The following SNTG1 variants were observed in gnomAD, a reference collection of about 807,000 sequenced individuals.
SNTG1 encodes the protein gamma-1-syntrophin.
Under a neutral mutation model 74.7 loss-of-function variants are expected in SNTG1, and 39 were observed. That is an observed-to-expected ratio of 0.52 (90% CI 0.40 to 0.68). The LOEUF (loss-of-function observed/expected upper bound fraction) is 0.68, where lower values mean the gene tolerates loss of function less well. Ranked by LOEUF, SNTG1 falls within the 30% of genes least tolerant of loss-of-function variation. The pLI, the probability that SNTG1 is intolerant of heterozygous loss-of-function variation, is 0.00. For missense variants in SNTG1, 685 were observed against 609.5 expected, an observed-to-expected ratio of 1.12 and a Z score of -1.30; for synonymous variants, 254 against 217.1, an observed-to-expected ratio of 1.17 and a Z score of -1.49.
chr8:50,486,202 T>G (rs1413128899), intron 8 of SNTG1, among the ~76,000 whole-genome samples: 1 of 150,700 alleles, frequency 6.6e-6, no homozygotes, highest in Non-Finnish European at 1.5e-5. Context: ...ATTGGTAGCT[T>G]GATGGGGATG....
intron 1 of SNTG1, among the ~76,000 whole-genome samples, chr8:50,128,796 T>G (rs781378354): frequency 1.3e-5 from 2 of 152,146 alleles, no homozygotes; most frequent in African/African-American, 4.8e-5. Flanking sequence ...AATGTTTGAA[T>G]AGAAAATTAT....
chr8:50,358,506 C>T (rs943779177), intron 2 of SNTG1, among the ~76,000 whole-genome samples: 14 of 152,108 alleles, frequency 9.2e-5, no homozygotes, highest in African/African-American at 3.1e-4. Flanking sequence ...ACAATTAGTC[C>T]AGGACCGCAG....
chr8:50,726,673 C>A (rs896471514), intron 17 of SNTG1, among the ~76,000 whole-genome samples: 57 of 152,168 alleles, frequency 3.7e-4, no homozygotes, highest in African/African-American at 1.3e-3. Context: ...CACAGTGAAA[C>A]CCCGTCTCTA....
At chr8:50,414,379 A>C (rs1466424452) in intron 4 of SNTG1, among the ~76,000 whole-genome samples, 1 of 152,076 alleles carries the variant, frequency 6.6e-6, no homozygotes, top group Non-Finnish European at 1.5e-5. Context: ...TGAGGTCAAG[A>C]TTGGCAAGTT....
At chr8:50,665,856 C>A (rs2095248454) in intron 15 of SNTG1, among the ~76,000 whole-genome samples, 2 of 152,082 alleles carry the variant, frequency 1.3e-5, no homozygotes, top group African/African-American at 2.4e-5. Flanking sequence ...GGACAAAGAA[C>A]TTACTTAGTT....
chr8:50,420,362 G>C (rs2093067031), intron 4 of SNTG1, among the ~76,000 whole-genome samples: 2 of 151,420 alleles, frequency 1.3e-5, no homozygotes, highest in Admixed American at 6.6e-5. Flanking sequence ...CCAGAAGGAA[G>C]TGAAACAATA....
chr8:50,180,750 CTTTTTTTTT>C (rs60630226), intron 2 of SNTG1, among the ~76,000 whole-genome samples: 28 of 80,662 alleles, frequency 3.5e-4, no homozygotes, highest in African/African-American at 1.7e-3. Flanking sequence ...ATTGTGAAGC[CTTTTTTTTT>C]TTTTTTTTTT....
chr8:50,517,870 C>G (rs902330008), intron 9 of SNTG1, among the ~76,000 whole-genome samples: 2 of 152,090 alleles, frequency 1.3e-5, no homozygotes, highest in African/African-American at 4.8e-5. Context: ...GACTTTAACA[C>G]CCCACTGTCA....
intron 1 of SNTG1, among the ~76,000 whole-genome samples, chr8:50,135,798 T>A (rs1354851828): frequency 6.6e-6 from 1 of 152,194 alleles, no homozygotes; most frequent in African/African-American, 2.4e-5. Flanking sequence ...GTTTACTACA[T>A]TTAGGTAAAC....
intron 18 of SNTG1, among the ~76,000 whole-genome samples, chr8:50,771,059 G>A (rs1018390531): frequency 1.3e-5 from 2 of 152,086 alleles, no homozygotes; most frequent in South Asian, 2.1e-4. Flanking sequence ...AAGAAAATTG[G>A]CATGCAGAGT....
rs184395251 is a variant in SNTG1, at chr8:50,310,755, A to G, written c.-27-83457A>G. Among the ~76,000 whole-genome samples the G allele has an allele frequency of 3.9e-3, 597 of 152,302 alleles. 4 individuals carry two copies. Among genetic ancestry groups the G allele is most frequent in the African/African-American group, 0.013 (537 of 41,562 alleles). On this transcript the variant is annotated intron_variant, in intron 2 of 18. Transcript: ENST00000642720. ...GTATCCTTTGAAAGTGAGTCTGTGA[A>G]GCTATTAAAGTGTTTTTACATAAGA...
chr8:49,930,898 A>G (rs1050714043), intron 1 of SNTG1, among the ~76,000 whole-genome samples: 3 of 152,198 alleles, frequency 2.0e-5, no homozygotes, highest in Non-Finnish European at 4.4e-5. Flanking sequence ...TACCAGCAAT[A>G]TATACATTAA....
At chr8:50,478,447 T>C (rs2093713770) in intron 8 of SNTG1, among the ~76,000 whole-genome samples, 1 of 152,186 alleles carries the variant, frequency 6.6e-6, no homozygotes, top group Non-Finnish European at 1.5e-5. Context: ...AAAAGTTCCT[T>C]CTTGTTCCCA....
At chr8:50,474,612 C>G (rs1310346387) in intron 8 of SNTG1, among the ~76,000 whole-genome samples, 5 of 152,108 alleles carry the variant, frequency 3.3e-5, no homozygotes, top group African/African-American at 4.8e-5. Context: ...AATAGGAACA[C>G]TTTTACACTG....
At chr8:50,183,733 C>T (rs1400864281) in intron 2 of SNTG1, among the ~76,000 whole-genome samples, 2 of 152,158 alleles carry the variant, frequency 1.3e-5, no homozygotes, top group African/African-American at 2.4e-5. Flanking sequence ...CTGATGAGTT[C>T]GCCTTCAACT....
At chr8:50,503,436 G>A (rs1201962475) in intron 9 of SNTG1, among the ~76,000 whole-genome samples, 2 of 152,128 alleles carry the variant, frequency 1.3e-5, no homozygotes, top group Non-Finnish European at 2.9e-5. Flanking sequence ...TAATTTGTAT[G>A]CAATAAAATA....
At chr8:50,626,114 C>T (rs767339669) in intron 13 of SNTG1, among the ~76,000 whole-genome samples, 12 of 152,148 alleles carry the variant, frequency 7.9e-5, no homozygotes, top group Non-Finnish European at 1.3e-4. Flanking sequence ...CTTCTAGATC[C>T]GTGGGCTTCC....
At position 50,334,367 on chromosome 8, in the gene SNTG1, A is replaced by G. The variant is rs539391889; in HGVS notation, c.-27-59845A>G. On this transcript the variant is annotated intron_variant, in intron 2 of 18. Transcript: ENST00000642720. ...GTTTTAAGCCAGTAACTTTGTGGTGATTTGTTATGGCAGCAAAAAACTAAC... is the reference window on the plus strand; with the variant it reads ...GTTTTAAGCCAGTAACTTTGTGGTGGTTTGTTATGGCAGCAAAAAACTAAC... Among the ~76,000 whole-genome samples the G allele has an allele frequency of 3.0e-3, 452 of 152,290 alleles. 3 individuals are homozygous for G. Among genetic ancestry groups the G allele is most frequent in the Non-Finnish European group, 5.5e-3 (375 of 68,016 alleles).
chr8:50,347,699 C>T (rs2091522283), intron 2 of SNTG1, among the ~76,000 whole-genome samples: 1 of 152,080 alleles, frequency 6.6e-6, no homozygotes, highest in Admixed American at 6.6e-5. Flanking sequence ...TTTTTATCTC[C>T]TGAGCTATTC....
Sources: gnomAD v4.1 joint callset for allele counts (sites outside exome capture counted in the v4.1 genomes callset) on GRCh38, gnomAD v4.1.1 for gene constraint, MANE v1.5 for transcripts, NCBI Gene and HGNC (gene_info 2026-07-23, HGNC 2026-07-21) for gene names.